CCNY: variants seen among roughly 807,000 people sequenced by gnomAD.
The protein encoded by CCNY is cyclin-Y.
Under a neutral mutation model 42.8 loss-of-function variants are expected in CCNY, and 19 were observed. The observed-to-expected ratio is 0.44, with a 90% CI of 0.31 to 0.65. The LOEUF (loss-of-function observed/expected upper bound fraction) is 0.65. Among genes scored for constraint, CCNY ranks in the 30% least tolerant of loss-of-function variants. CCNY has a pLI of 0.07. For synonymous variants in CCNY, 165 were observed against 162.7 expected (o/e 1.01, Z -0.11); for missense variants, 370 against 437.3 (o/e 0.85, Z 1.37).
chr10:35,338,733 T>A (rs1836108628), intron 1 of CCNY, among the ~76,000 whole-genome samples: 2 of 152,250 alleles, frequency 1.3e-5, no homozygotes. Flanking sequence ...TTCTTTATGA[T>A]GTGCAGTAAA....
chr10:35,390,908 G>A (rs1837399424), intron 1 of CCNY, among the ~76,000 whole-genome samples: 2 of 152,200 alleles, frequency 1.3e-5, no homozygotes, highest in Admixed American at 1.3e-4. Context: ...GCCCTGCTGA[G>A]TTGGGGCCTG....
At chr10:35,416,601 G>A (rs935524112) in intron 1 of CCNY, among the ~76,000 whole-genome samples, 4 of 152,204 alleles carry the variant, frequency 2.6e-5, no homozygotes, top group African/African-American at 9.7e-5. Flanking sequence ...AAATGGTGGT[G>A]AAGATACCAT....
intron 1 of CCNY, among the ~76,000 whole-genome samples, chr10:35,388,562 G>A (rs1263979082): frequency 6.6e-6 from 1 of 152,206 alleles, no homozygotes; most frequent in Non-Finnish European, 1.5e-5. Context: ...TCCTTGTTGG[G>A]TGTGGCTGAT....
chr10:35,525,595 T>C (rs989841041), intron 4 of CCNY, among the ~76,000 whole-genome samples: 2 of 152,160 alleles, frequency 1.3e-5, no homozygotes, highest in African/African-American at 4.8e-5. Flanking sequence ...TTTAAACTAG[T>C]AGGTTATGAG....
At chr10:35,457,586 T>TA (rs1388556988) in intron 1 of CCNY, among the ~76,000 whole-genome samples, 1 of 140,694 alleles carries the variant, frequency 7.1e-6, no homozygotes, top group Non-Finnish European at 1.5e-5. Flanking sequence ...CATAGATGTA[T>TA]TTTTTTTTTT....
At chr10:35,525,611 G>C (rs1840636129) in intron 4 of CCNY, among the ~76,000 whole-genome samples, 1 of 151,678 alleles carries the variant, frequency 6.6e-6, no homozygotes, top group Admixed American at 6.6e-5. Context: ...ATGAGTTGGA[G>C]ATTTCTAAAG....
chr10:35,549,089 T>TCCCCCCC (rs1841182724), intron 7 of CCNY, among the ~76,000 whole-genome samples: 1 of 137,998 alleles, frequency 7.2e-6, no homozygotes, highest in Non-Finnish European at 1.5e-5. Context: ...TCCGTGCCCC[T>TCCCCCCC]CACCACCCAC....
intron 1 of CCNY, among the ~76,000 whole-genome samples, chr10:35,427,651 A>G (rs1838298900): frequency 1.3e-5 from 2 of 152,264 alleles, no homozygotes; most frequent in Non-Finnish European, 2.9e-5. Flanking sequence ...TATAGAAGGA[A>G]AATTTGCTGT....
At chr10:35,320,525 G>A (rs1377065151) in intron 3 of CCNY, among the ~76,000 whole-genome samples, 6 of 152,202 alleles carry the variant, frequency 3.9e-5, no homozygotes, top group Non-Finnish European at 7.3e-5. Flanking sequence ...TGTTAATGAT[G>A]AACAACTGAA....
chr10:35,391,901 C>A lies in CCNY; in HGVS notation c.154+54694C>A, dbSNP rs1001606540. On this transcript the variant is annotated intron_variant, in intron 1 of 9. Transcript: ENST00000374704. Reference sequence around the variant, plus strand: ...TGTTTTTATCTACCACCCTTCATGGCCTGGCTGGTGCTGGCCTCACTTCTC... The same window carrying A: ...TGTTTTTATCTACCACCCTTCATGGACTGGCTGGTGCTGGCCTCACTTCTC... Among the ~76,000 whole-genome samples the A allele has an allele frequency of 6.6e-5, 10 of 152,316 alleles. No homozygotes were observed. In the South Asian group the frequency reaches 8.3e-4, roughly 13 times the overall value.
intron 1 of CCNY, among the ~76,000 whole-genome samples, chr10:35,443,788 C>T (rs1838726801): frequency 6.6e-6 from 1 of 152,188 alleles, no homozygotes; most frequent in Admixed American, 6.5e-5. Context: ...ATAGCCTGTT[C>T]CTCTTCCTTA....
chr10:35,357,187 TGCCCCAGCCCCA>T (rs986021402), intron 1 of CCNY, among the ~76,000 whole-genome samples: 13 of 128,614 alleles, frequency 1.0e-4, no homozygotes, highest in Non-Finnish European at 1.7e-4. Flanking sequence ...CCCCTGCCCC[TGCCCCAGCCCCA>T]GCCCCAGCCC....
At chr10:35,331,503 G>C (rs1375676648) in intron 3 of CCNY, among the ~76,000 whole-genome samples, 2 of 152,132 alleles carry the variant, frequency 1.3e-5, no homozygotes, top group African/African-American at 4.8e-5. Flanking sequence ...GGCTGTCCCT[G>C]TTTCATCATG....
chr10:35,353,566 A>G (rs754125050), intron 1 of CCNY, among the ~76,000 whole-genome samples: 7 of 152,230 alleles, frequency 4.6e-5, no homozygotes, highest in Non-Finnish European at 7.3e-5. Context: ...TGTTACAGAT[A>G]GGACAGCTGA....
intron 2 of CCNY, among the ~76,000 whole-genome samples, chr10:35,488,031 T>G (rs1477449293): frequency 6.6e-6 from 1 of 152,206 alleles, no homozygotes; most frequent in Non-Finnish European, 1.5e-5. Context: ...AGCCACATCT[T>G]TTTCCTTTTA....
In CCNY at chr10:35,500,513, T is replaced by A. The variant is rs550224095; in HGVS notation, c.230-988T>A. On this transcript the variant is annotated intron_variant, in intron 2 of 9. Coordinates refer to ENST00000374704, the MANE Select transcript of CCNY (RefSeq NM_145012.6). ...AGGCATGGACTGTAAGGAGAAAACC[T>A]TCTTCTATCTTTTGTACACTGCTGT... Among the ~76,000 whole-genome samples the A allele has an allele frequency of 2.6e-5, 4 of 152,370 alleles. No individual in the cohort carries two copies. In the South Asian group the frequency reaches 8.3e-4, roughly 32 times the overall value.
At chr10:35,319,369 G>GA (rs1835795905) in intron 3 of CCNY, among the ~76,000 whole-genome samples, 1 of 152,098 alleles carries the variant, frequency 6.6e-6, no homozygotes, top group Non-Finnish European at 1.5e-5. Flanking sequence ...GTGACAGAAT[G>GA]AGAACCTATC....
intron 1 of CCNY, among the ~76,000 whole-genome samples, chr10:35,433,376 C>A (rs1838456068): frequency 6.6e-6 from 1 of 151,864 alleles, no homozygotes. Context: ...CTAATAAAAC[C>A]TCTATTTTGG....
chr10:35,541,940 G>C (rs150124301), intron 7 of CCNY, among the ~76,000 whole-genome samples: 2 of 123,326 alleles, frequency 1.6e-5, no homozygotes, highest in African/African-American at 3.1e-5. Context: ...TCTAGTTGTC[G>C]TTACCCAGCA....
Sources: gnomAD v4.1 joint callset for allele counts (sites outside exome capture counted in the v4.1 genomes callset) on GRCh38, gnomAD v4.1.1 for gene constraint, MANE v1.5 for transcripts, NCBI Gene and HGNC (gene_info 2026-07-23, HGNC 2026-07-21) for gene names.